Variants in CLASP2 observed in about 807,000 individuals in gnomAD.
CLASP2 encodes the protein CLIP-associating protein 2.
Under a neutral mutation model 194.4 loss-of-function variants are expected in CLASP2, and 47 were observed. The ratio of observed to expected loss-of-function variants is 0.24; its 90% confidence interval spans 0.19 to 0.31. The LOEUF is 0.31. Ranked by LOEUF, CLASP2 falls within the 10% of genes least tolerant of loss-of-function variation. CLASP2 has a pLI of 1.00. For missense variants in CLASP2, 1,445 were observed against 1,823.6 expected (o/e 0.79, Z 3.78); for synonymous variants, 619 against 633.5 (o/e 0.98, Z 0.34).
At chr3:33,515,144 A>G (rs1320158417) in intron 36 of CLASP2, among the ~76,000 whole-genome samples, 2 of 152,180 alleles carry the variant, frequency 1.3e-5, no homozygotes, top group African/African-American at 4.8e-5. Context: ...TGACGGATGC[A>G]CCAAAATCTC....
At chr3:33,716,385 T>G (rs980261531) in intron 1 of CLASP2, among the ~76,000 whole-genome samples, 2 of 152,202 alleles carry the variant, frequency 1.3e-5, no homozygotes, top group Non-Finnish European at 2.9e-5. Flanking sequence ...CATACTGTGG[T>G]ATCACAGAAT....
chr3:33,576,340 A>C (rs1037533438), intron 23 of CLASP2, 65 bp from the exon 24 acceptor site: 2 of 1,285,510 alleles, frequency 1.6e-6, no homozygotes, highest in East Asian at 4.7e-5. Flanking sequence ...TCAGGTTGGG[A>C]AACTTTAAGA....
At chr3:33,523,494 A>G (rs1477312189) in intron 34 of CLASP2, among the ~76,000 whole-genome samples, 1 of 152,210 alleles carries the variant, frequency 6.6e-6, no homozygotes, top group African/African-American at 2.4e-5. Flanking sequence ...TGGAGGTCAG[A>G]AGGTAGTAGG....
chr3:33,687,834 A>G (rs1438892185), intron 4 of CLASP2, among the ~76,000 whole-genome samples: 1 of 152,196 alleles, frequency 6.6e-6, no homozygotes, highest in Non-Finnish European at 1.5e-5. Flanking sequence ...CACAGCTACC[A>G]GCCTCACTGT....
At position 33,498,313 on chromosome 3, in the gene CLASP2, A is replaced by G. The variant is rs1423529008; in HGVS notation, c.*318T>C. 4.9e-6 allele frequency: 1 copy of G among 204,670 alleles called. No homozygotes were observed. Among genetic ancestry groups the G allele is most frequent in the Non-Finnish European group, 9.7e-6 (1 of 103,000 alleles). 12.7% of individuals were successfully genotyped at this position (204,670 alleles called of 1,614,324 possible). A position where few individuals can be genotyped will look rare whatever the true frequency, so the allele number is the denominator to read the frequency against. ...AACCAGCATTTAAAAAAATTTATAC[A>G]ATCATAACACTGGCAAAGGTTAATG... On this transcript the variant is annotated 3_prime_UTR_variant, in exon 39 of 39. Transcript: ENST00000682230.
chr3:33,676,230 C>CA (rs1460432352), intron 6 of CLASP2, among the ~76,000 whole-genome samples: 1 of 149,738 alleles, frequency 6.7e-6, no homozygotes, highest in African/African-American at 2.4e-5. Flanking sequence ...GGTACCAAAA[C>CA]AGAGATATAG....
chr3:33,580,194 T>A (rs2065734010), intron 23 of CLASP2, among the ~76,000 whole-genome samples: 2 of 152,192 alleles, frequency 1.3e-5, no homozygotes, highest in Admixed American at 1.3e-4. Flanking sequence ...CTAGCTTTAA[T>A]GGGGTTTTCT....
chr3:33,581,763 A>G, intron 23 of CLASP2, 58 bp downstream of exon 23: 1 of 1,177,602 alleles, frequency 8.5e-7, no homozygotes, highest in Non-Finnish European at 1.3e-6. Flanking sequence ...GCTGAAGTTA[A>G]CAGATAGTGA....
chr3:33,654,567 T>G (rs2083820286), intron 7 of CLASP2, among the ~76,000 whole-genome samples: 1 of 151,916 alleles, frequency 6.6e-6, no homozygotes, highest in Admixed American at 6.6e-5. Flanking sequence ...GGGAAAAGCT[T>G]ACGAAAAAAT....
chr3:33,718,073 T>G lies in CLASP2; in HGVS notation c.-71A>C. On this transcript the variant is annotated 5_prime_UTR_variant, in exon 1 of 39. Transcript: ENST00000682230. Reference sequence around the variant, plus strand: ...TCGCCGAGAGCCGCCCAGCCTCCAGTGCGGGTCCCCGCGGGAGCGGGCGGG... The same window carrying G: ...TCGCCGAGAGCCGCCCAGCCTCCAGGGCGGGTCCCCGCGGGAGCGGGCGGG... 1 of 1,402,508 alleles carries G rather than the reference T, an allele frequency of 7.1e-7. No homozygotes were observed. The highest frequency in any genetic ancestry group is 1.5e-5 in the South Asian group (1 of 66,292). The allele number at this position is 1,402,508 out of a possible 1,614,324, so 86.9% of individuals were successfully genotyped here.
chr3:33,521,699 G>C (rs1008895481), intron 34 of CLASP2, among the ~76,000 whole-genome samples: 4 of 152,218 alleles, frequency 2.6e-5, no homozygotes, highest in Non-Finnish European at 5.9e-5. Flanking sequence ...ATTCTGGGAA[G>C]ATGGTAGATT....
In CLASP2 at chr3:33,611,677, G is replaced by A. The variant is rs938223603; in HGVS notation, c.1388+324C>T. 9.9e-4 allele frequency among the ~76,000 whole-genome samples: 151 copies of A among 152,040 alleles called. 1 individual carries two copies. Among genetic ancestry groups the A allele is most frequent in the Non-Finnish European group, 1.8e-3 (125 of 67,998 alleles). On this transcript the variant is annotated intron_variant, in intron 13 of 38. Coordinates refer to ENST00000682230, the MANE Select transcript of CLASP2 (RefSeq NM_001365631.1). ...TAAGGTTCAGAGCAGTTAAATAATTGCCTAAGGTAGAACAGTCAATGGCAG... is the reference window on the plus strand; with the variant it reads ...TAAGGTTCAGAGCAGTTAAATAATTACCTAAGGTAGAACAGTCAATGGCAG...
At chr3:33,601,206 T>C (rs1294813093) in intron 18 of CLASP2, among the ~76,000 whole-genome samples, 1 of 152,090 alleles carries the variant, frequency 6.6e-6, no homozygotes, top group Non-Finnish European at 1.5e-5. Context: ...GTGATCCACC[T>C]GTCTCGGCCT....
At chr3:33,577,923 A>T (rs184844268) in intron 23 of CLASP2, among the ~76,000 whole-genome samples, 1 of 152,328 alleles carries the variant, frequency 6.6e-6, no homozygotes, top group East Asian at 1.9e-4. Context: ...CTTTAATCTT[A>T]GACTTCCTAG....
chr3:33,510,702 G>A lies in CLASP2; in HGVS notation c.4173C>T (p.Cys1391=). 1 of 1,613,422 alleles carries A rather than the reference G, an allele frequency of 6.2e-7. No individual in the cohort carries two copies. Among genetic ancestry groups the A allele is most frequent in the South Asian group, 1.1e-5 (1 of 91,006 alleles). The change falls in exon 37 of 39, where the codon TGC becomes TGT. Residue 1391 remains cysteine, a synonymous_variant. Transcript: ENST00000682230. The part of the protein sequence containing the change: ...VLATSISPEQ[C]IKVLCPIIQT... ...GAATGATAGGACAAAGCACTTTGATGCACTGCTCTGGACTAATTGAAGTGG... is the reference window on the plus strand; with the variant it reads ...GAATGATAGGACAAAGCACTTTGATACACTGCTCTGGACTAATTGAAGTGG...
intron 18 of CLASP2, among the ~76,000 whole-genome samples, chr3:33,597,681 G>A (rs926910435): frequency 3.5e-4 from 53 of 152,026 alleles, no homozygotes; most frequent in African/African-American, 1.2e-3. Context: ...GCCCCCCAGC[G>A]TGAGTCTTAA....
chr3:33,560,770 T>G (rs2061682767), intron 28 of CLASP2, 38 bp downstream of exon 28: 1 of 1,570,384 alleles, frequency 6.4e-7, no homozygotes, highest in East Asian at 2.2e-5. Context: ...TTCCTAGTTA[T>G]TATCAGGTTA....
chr3:33,710,915 C>G (rs1009230461), intron 1 of CLASP2, among the ~76,000 whole-genome samples: 5 of 152,202 alleles, frequency 3.3e-5, no homozygotes, highest in Non-Finnish European at 7.3e-5. Flanking sequence ...AGCCTGGCGA[C>G]TGAGTGAGAC....
intron 34 of CLASP2, among the ~76,000 whole-genome samples, chr3:33,524,318 TAGTC>T (rs1257529968): frequency 6.6e-6 from 1 of 152,058 alleles, no homozygotes. Context: ...CAATAAGTAA[TAGTC>T]AGAGAGCAGG....
Sources: gnomAD v4.1 joint callset for allele counts (sites outside exome capture counted in the v4.1 genomes callset) on GRCh38, gnomAD v4.1.1 for gene constraint, MANE v1.5 for transcripts, NCBI Gene and HGNC (gene_info 2026-07-23, HGNC 2026-07-21) for gene names.